The following NR6A1 variants were observed in gnomAD, a reference collection of about 807,000 sequenced individuals.
The protein encoded by NR6A1 is nuclear receptor subfamily 6 group A member 1, also known as retinoic acid receptor-related testis-associated receptor.
In NR6A1, 7 loss-of-function variants were observed where a neutral mutation model predicts 59.1. The observed-to-expected ratio is 0.12, with a 90% CI of 0.07 to 0.22. NR6A1 has a LOEUF of 0.22. Among genes scored for constraint, NR6A1 ranks in the 10% least tolerant of loss-of-function variants. The pLI, the probability that NR6A1 is intolerant of heterozygous loss-of-function variation, is 1.00. For synonymous variants in NR6A1, 243 were observed against 236.1 expected (o/e 1.03, Z -0.27); for missense variants, 468 against 611.6 (o/e 0.77, Z 2.48).
chr9:124,528,281 A>G (rs1275725546), intron 7 of NR6A1, among the ~76,000 whole-genome samples: 1 of 152,158 alleles, frequency 6.6e-6, no homozygotes, highest in Non-Finnish European at 1.5e-5. Context: ...TACCAAGGGG[A>G]GCCTCAGCAG....
At chr9:124,700,212 T>G (rs929246705) in intron 2 of NR6A1, among the ~76,000 whole-genome samples, 1 of 151,564 alleles carries the variant, frequency 6.6e-6, no homozygotes, top group African/African-American at 2.4e-5. Context: ...GCTTTTTTTT[T>G]GAAATGGGGT....
At chr9:124,530,738 C>T (rs1006419443) in intron 7 of NR6A1, among the ~76,000 whole-genome samples, 17 of 152,176 alleles carry the variant, frequency 1.1e-4, no homozygotes, top group Non-Finnish European at 2.2e-4. Context: ...GCCATCTCAG[C>T]ACCCATGTAA....
chr9:124,624,912 GTTTTTT>G (rs71492418), intron 2 of NR6A1, among the ~76,000 whole-genome samples: 1 of 134,854 alleles, frequency 7.4e-6, no homozygotes, highest in Non-Finnish European at 1.6e-5. Flanking sequence ...TTGCTAGCTT[GTTTTTT>G]TTTTTTTTTT....
chr9:124,748,678 G>A (rs1024184725), intron 1 of NR6A1, among the ~76,000 whole-genome samples: 6 of 151,136 alleles, frequency 4.0e-5, no homozygotes, highest in African/African-American at 1.5e-4. Context: ...GGCTAACACG[G>A]TGAAACCCCG....
At chr9:124,666,985 C>T (rs1020804648) in intron 2 of NR6A1, among the ~76,000 whole-genome samples, 3 of 151,822 alleles carry the variant, frequency 2.0e-5, no homozygotes, top group Non-Finnish European at 4.4e-5. Context: ...ACAGATGCTT[C>T]GTATGTAGTA....
chr9:124,563,302 G>A (rs987502874), intron 2 of NR6A1, among the ~76,000 whole-genome samples: 2 of 152,154 alleles, frequency 1.3e-5, no homozygotes, highest in African/African-American at 2.4e-5. Context: ...ATTAAAGTGT[G>A]TGCATTTGTG....
chr9:124,645,768 A>C (rs866234339), intron 2 of NR6A1, among the ~76,000 whole-genome samples: 4 of 152,358 alleles, frequency 2.6e-5, no homozygotes, highest in South Asian at 2.1e-4. Context: ...AATCTTTTGG[A>C]TATAACTGAC....
chr9:124,556,403 G>A (rs963217353), intron 2 of NR6A1, among the ~76,000 whole-genome samples: 16 of 151,954 alleles, frequency 1.1e-4, no homozygotes, highest in Admixed American at 7.9e-4. Flanking sequence ...TTCTCCCCTA[G>A]AGCTTCTGAA....
chr9:124,698,370 G>C (rs1037565708), intron 2 of NR6A1: 1 of 152,200 alleles, frequency 6.6e-6, no homozygotes. Flanking sequence ...ATCCACAGAG[G>C]AAAGGAAGGA....
chr9:124,608,012 C>T (rs1381477361), intron 2 of NR6A1, among the ~76,000 whole-genome samples: 4 of 152,004 alleles, frequency 2.6e-5, no homozygotes, highest in Non-Finnish European at 4.4e-5. Flanking sequence ...GTTGAGGCTA[C>T]AGTGAGCCGT....
intron 1 of NR6A1, 59 bp from the exon 2 acceptor site, chr9:124,733,408 C>A: frequency 1.3e-5 from 17 of 1,280,290 alleles, no homozygotes; most frequent in Non-Finnish European, 1.9e-5. Flanking sequence ...AAGCTGACTC[C>A]AAATATGAAG....
At chr9:124,526,717 G>A (rs1251039031) in intron 8 of NR6A1, 62 bp downstream of exon 8, 9 of 1,598,640 alleles carry the variant, frequency 5.6e-6, no homozygotes, top group Non-Finnish European at 7.7e-6. Context: ...AAACAGGAGG[G>A]CAAATGCTCA....
intron 2 of NR6A1, among the ~76,000 whole-genome samples, chr9:124,580,226 C>T (rs1239692267): frequency 6.6e-6 from 1 of 152,106 alleles, no homozygotes; most frequent in Non-Finnish European, 1.5e-5. Context: ...GAATACTACC[C>T]AGCAATTAAA....
intron 2 of NR6A1, among the ~76,000 whole-genome samples, chr9:124,562,089 A>G (rs1346287242): frequency 2.0e-5 from 3 of 152,242 alleles, no homozygotes; most frequent in Non-Finnish European, 4.4e-5. Context: ...CAATTGGCAT[A>G]TAAAGTCATG....
At chr9:124,528,289 C>T (rs2131326072) in intron 7 of NR6A1, among the ~76,000 whole-genome samples, 1 of 152,304 alleles carries the variant, frequency 6.6e-6, no homozygotes, top group East Asian at 1.9e-4. Flanking sequence ...GGAGCCTCAG[C>T]AGCAGGTAGA....
At chr9:124,725,529 G>A (rs946710251) in intron 2 of NR6A1, among the ~76,000 whole-genome samples, 1 of 152,192 alleles carries the variant, frequency 6.6e-6, no homozygotes, top group African/African-American at 2.4e-5. Context: ...AATTAGCAAC[G>A]AAGTATTTCC....
At chr9:124,526,272 T>TTGTGTGTGTGTG (rs1204703211) in intron 8 of NR6A1, among the ~76,000 whole-genome samples, 2 of 150,176 alleles carry the variant, frequency 1.3e-5, no homozygotes, top group South Asian at 4.2e-4. Context: ...CCATGCTTGA[T>TTGTGTGTGTGTG]TGTGTGTATG....
At chr9:124,730,751 C>T (rs1252302738) in intron 2 of NR6A1, among the ~76,000 whole-genome samples, 3 of 152,024 alleles carry the variant, frequency 2.0e-5, no homozygotes, top group Non-Finnish European at 4.4e-5. Context: ...CTGAGAATAT[C>T]AAGGACCTTT....
intron 1 of NR6A1, among the ~76,000 whole-genome samples, chr9:124,741,156 G>A (rs1840163279): frequency 6.6e-6 from 1 of 152,200 alleles, no homozygotes. Flanking sequence ...TGACTGGCGT[G>A]AATGAGGAAC....
Sources: allele counts gnomAD v4.1 joint callset (sites outside exome capture counted in the v4.1 genomes callset), GRCh38; gene constraint gnomAD v4.1.1; transcripts MANE v1.5; gene names NCBI Gene and HGNC (gene_info 2026-07-23, HGNC 2026-07-21).